Variants in RHOH observed in about 807,000 individuals in gnomAD.
RHOH encodes ras homolog family member H.
In RHOH, 6 loss-of-function variants were observed where a neutral mutation model predicts 13.8. The observed-to-expected ratio is 0.44, with a 90% CI of 0.24 to 0.86. RHOH has a LOEUF of 0.86. Among genes scored for constraint, RHOH ranks in the 40% least tolerant of loss-of-function variants. RHOH has a pLI of 0.24. For synonymous variants in RHOH, 117 were observed against 103.0 expected, an observed-to-expected ratio of 1.14 and a Z score of -0.82; for missense variants, 147 against 244.5, an observed-to-expected ratio of 0.60 and a Z score of 2.66.
intron 1 of RHOH, among the ~76,000 whole-genome samples, chr4:40,225,008 C>T (rs1727050020): frequency 6.6e-6 from 1 of 152,162 alleles, no homozygotes; most frequent in South Asian, 2.1e-4. Context: ...CTCCTGGGCT[C>T]AAGCCATTCC....
At chr4:40,201,945 GTTTTTTTTTT>G (rs1179441198) in intron 1 of RHOH, among the ~76,000 whole-genome samples, 2 of 109,052 alleles carry the variant, frequency 1.8e-5, no homozygotes, top group East Asian at 2.8e-4. Flanking sequence ...AACTCCATGA[GTTTTTTTTTT>G]TTTTTTTTTT....
chr4:40,193,291 C>T (rs1217772134), upstream of RHOH, among the ~76,000 whole-genome samples: 4 of 152,192 alleles, frequency 2.6e-5, no homozygotes, highest in East Asian at 5.8e-4. Context: ...TTTCCCTCCT[C>T]CTGCCACTCT....
Position 40,197,471 on chromosome 4 carries a change from T to C in RHOH, c.-331+171T>C, listed in dbSNP as rs76220631. Among the ~76,000 whole-genome samples the C allele has an allele frequency of 1.2e-3, 187 of 152,324 alleles. 3 individuals are homozygous for C. In the East Asian group the frequency reaches 0.034, roughly 27 times the overall value. On this transcript the variant is annotated intron_variant, in intron 1 of 2. Coordinates refer to ENST00000381799, the MANE Select transcript of RHOH (RefSeq NM_004310.5). ...GTCGGGGGGGTGAGTGTTGCTTTGA[T>C]ATTCACTGCCCCTCACCACAGTCCT...
chr4:40,206,091 C>T (rs1371801774), intron 1 of RHOH, among the ~76,000 whole-genome samples: 1 of 152,218 alleles, frequency 6.6e-6, no homozygotes, highest in Non-Finnish European at 1.5e-5. Flanking sequence ...AAAGTCTCTA[C>T]TCCTCTTACC....
chr4:40,227,490 C>T (rs77243164), intron 1 of RHOH, among the ~76,000 whole-genome samples: 2,141 of 152,268 alleles, frequency 0.014, 53 homozygotes, highest in African/African-American at 0.048. Context: ...TTGGTTTCCT[C>T]ATGGGAGAAA....
intron 1 of RHOH, among the ~76,000 whole-genome samples, chr4:40,199,556 T>C (rs1179342529): frequency 6.6e-6 from 1 of 152,252 alleles, no homozygotes; most frequent in East Asian, 1.9e-4. Flanking sequence ...AGAGAGGTCC[T>C]CTCAGTATCC....
chr4:40,199,593 T>TTGGGG (rs1723697840), intron 1 of RHOH, among the ~76,000 whole-genome samples: 1 of 152,218 alleles, frequency 6.6e-6, no homozygotes, highest in Non-Finnish European at 1.5e-5. Context: ...GCCTCCTTGG[T>TTGGGG]TGACGTCGCT....
chr4:40,238,580 G>A (rs1728867617), intron 1 of RHOH, among the ~76,000 whole-genome samples: 2 of 152,178 alleles, frequency 1.3e-5, no homozygotes, highest in African/African-American at 4.8e-5. Flanking sequence ...CTCTGTGCGT[G>A]TGAACCCTGG....
chr4:40,239,448 T>G (rs1262941353), intron 1 of RHOH, among the ~76,000 whole-genome samples: 1 of 152,266 alleles, frequency 6.6e-6, no homozygotes, highest in Admixed American at 6.5e-5. Context: ...TGTGCTACTT[T>G]AAATTCCCTA....
At chr4:40,195,649 T>C (rs1326193575), upstream of RHOH, among the ~76,000 whole-genome samples, 3 of 152,066 alleles carry the variant, frequency 2.0e-5, no homozygotes, top group Admixed American at 2.0e-4. Flanking sequence ...TCTCACTACG[T>C]TGCCCAGGCT....
At chr4:40,213,224 A>G (rs1336442941) in intron 1 of RHOH, among the ~76,000 whole-genome samples, 1 of 152,184 alleles carries the variant, frequency 6.6e-6, no homozygotes, top group Non-Finnish European at 1.5e-5. Context: ...AACGGTGCAA[A>G]AAAGAGGAGA....
chr4:40,235,590 CAA>C (rs34336418), intron 1 of RHOH, among the ~76,000 whole-genome samples: 3 of 74,794 alleles, frequency 4.0e-5, no homozygotes, highest in African/African-American at 5.9e-5. Context: ...AACTTCATCT[CAA>C]AAAAAAAAAA....
chr4:40,221,259 T>TTTGTATG (rs1726531693), intron 1 of RHOH, among the ~76,000 whole-genome samples: 1 of 152,186 alleles, frequency 6.6e-6, no homozygotes, highest in Non-Finnish European at 1.5e-5. Context: ...GTTTGGACAT[T>TTTGTATG]TATCTTTCTA....
rs397967739 is a variant in RHOH, at chr4:40,245,538, C to CAAAAAAAAAAAAAAA, written c.*1590_*1591insAAAAAAAAAAAAAAA. The stretch of plus-strand genomic sequence containing the variant: ...TGGGCAACAGAGGGAGACTCCATCT[C>CAAAAAAAAAAAAAAA]AAAAAAAAAAAAAAGAAAAGAAAAA... On this transcript the variant is annotated 3_prime_UTR_variant, in exon 3 of 3. Transcript: ENST00000381799. The CAAAAAAAAAAAAAAA allele has an allele frequency of 1.0e-5, 1 of 96,744 alleles. No individual in the cohort carries two copies. Among genetic ancestry groups the CAAAAAAAAAAAAAAA allele is most frequent in the Non-Finnish European group, 2.1e-5 (1 of 46,850 alleles). 6.0% of individuals were successfully genotyped at this position (96,744 alleles called of 1,614,324 possible).
intron 1 of RHOH, among the ~76,000 whole-genome samples, chr4:40,198,543 G>A (rs139622052): frequency 5.4e-4 from 82 of 152,320 alleles, no homozygotes; most frequent in African/African-American, 1.9e-3. Context: ...GGAGCTTGTC[G>A]AGCGTGGCCT....
At chr4:40,211,699 G>A (rs1490742800) in intron 1 of RHOH, among the ~76,000 whole-genome samples, 1 of 152,160 alleles carries the variant, frequency 6.6e-6, no homozygotes, top group Non-Finnish European at 1.5e-5. Context: ...GCAAACAGTG[G>A]AGTCATAAAT....
chr4:40,233,310 G>A (rs2109524681), intron 1 of RHOH, among the ~76,000 whole-genome samples: 1 of 152,324 alleles, frequency 6.6e-6, no homozygotes, highest in African/African-American at 2.4e-5. Context: ...AATTAGGGAA[G>A]AGGGGCTTAG....
intron 1 of RHOH, among the ~76,000 whole-genome samples, chr4:40,228,584 A>G (rs6531765): frequency 0.71 from 107,767 of 151,952 alleles, 38,730 homozygotes; most frequent in Non-Finnish European, 0.76. Flanking sequence ...GGGAACCTTG[A>G]GATGTGATGG....
At chr4:40,224,263 G>C (rs1468464795) in intron 1 of RHOH, among the ~76,000 whole-genome samples, 1 of 152,208 alleles carries the variant, frequency 6.6e-6, no homozygotes, top group Non-Finnish European at 1.5e-5. Flanking sequence ...TCTATCGAAT[G>C]GATATGGCAT....
Sources: allele counts gnomAD v4.1 joint callset (sites outside exome capture counted in the v4.1 genomes callset), GRCh38; gene constraint gnomAD v4.1.1; transcripts MANE v1.5; gene names NCBI Gene and HGNC (gene_info 2026-07-23, HGNC 2026-07-21).